Variants in AMHR2 observed in about 807,000 individuals in gnomAD.
The protein encoded by AMHR2 is anti-Mullerian hormone receptor type 2.
A neutral mutation model predicts 61.4 loss-of-function variants in AMHR2; 36 were observed. The observed-to-expected ratio is 0.59, with a 90% CI of 0.45 to 0.77. The LOEUF is 0.77. Ranked by LOEUF, AMHR2 falls within the 30% of genes least tolerant of loss-of-function variation. The pLI is 0.00. For missense variants in AMHR2, 638 were observed against 714.6 expected, an observed-to-expected ratio of 0.89 and a Z score of 1.22; for synonymous variants, 258 against 279.4, an observed-to-expected ratio of 0.92 and a Z score of 0.76.
chr12:53,431,647 A>G lies in AMHR2; in HGVS notation c.*174A>G, dbSNP rs1215780885. The G allele has an allele frequency of 3.7e-5, 29 of 786,408 alleles. No individual in the cohort carries two copies. Among genetic ancestry groups the G allele is most frequent in the Non-Finnish European group, 6.1e-5 (29 of 474,690 alleles). The allele number at this position is 786,408 out of a possible 1,614,324, so 48.7% of individuals were successfully genotyped here. On this transcript the variant is annotated 3_prime_UTR_variant, in exon 11 of 11. Transcript: ENST00000257863. ...CTTGGGGTAGGTGTGCACAGGAAAG[A>G]GAATAAAGTCAGCTTTCCTGATGCA...
Position 53,431,206 on chromosome 12 carries a change from A to G in AMHR2, c.1455A>G (p.Glu485=), listed in dbSNP as rs1231552536. Residue 485 remains glutamate (E), a synonymous_variant, in exon 11 of 11, where the codon GAA becomes GAG. Transcript: ENST00000257863. ...CTGATGGGCTGAGGGAGCTCCTAGA[A>G]GACTGTTGGGATGCAGACCCAGAAG... ...TDPDGLRELL[E]DCWDADPEAR... is the part of the protein sequence containing the mutation. 2 of 1,614,222 alleles carry G rather than the reference A, an allele frequency of 1.2e-6. No individual in the cohort carries two copies. Among genetic ancestry groups the G allele is most frequent in the Non-Finnish European group, 1.7e-6 (2 of 1,180,042 alleles).
In AMHR2 at chr12:53,425,251, C is replaced by G; in HGVS notation, c.502+9C>G. 1 of 1,613,184 alleles carries G rather than the reference C, an allele frequency of 6.2e-7. No individual in the cohort carries two copies. The highest frequency in any genetic ancestry group is 8.5e-7 in the Non-Finnish European group (1 of 1,180,000). Reference sequence around the variant, plus strand: ...GGGCAGCATCATCTTGGGTACTAATCCACCCCATCCCTCCCTTGTGACCCC... The same window carrying G: ...GGGCAGCATCATCTTGGGTACTAATGCACCCCATCCCTCCCTTGTGACCCC... On this transcript the variant is annotated intron_variant, in intron 4 of 10. Coordinates refer to ENST00000257863, the MANE Select transcript of AMHR2 (RefSeq NM_020547.3).
At chr12:53,428,255 C>T (rs148506566) in intron 6 of AMHR2, among the ~76,000 whole-genome samples, 6 of 152,288 alleles carry the variant, frequency 3.9e-5, no homozygotes, top group African/African-American at 1.4e-4. Context: ...TCGTGGCCAC[C>T]GAAGGTGCTC....
At chr12:53,430,441 C>T in intron 10 of AMHR2, 159 bp downstream of exon 10, 1 of 1,114,552 alleles carries the variant, frequency 9.0e-7, no homozygotes, top group Non-Finnish European at 1.3e-6. Context: ...CCTCCTCTCC[C>T]CGTCAGTTCA....
rs779570019 is a variant in AMHR2, at chr12:53,425,867, G to A, written c.800G>A (p.Gly267Asp). Reference sequence around the variant, plus strand: ...CGATTTATCACTGCCAGCCGGGGGGGTCCTGGCCGCCTGCTCTCTGGGCCC... The same window carrying A: ...CGATTTATCACTGCCAGCCGGGGGGATCCTGGCCGCCTGCTCTCTGGGCCC... ...IVRFITASRG[G>D]PGRLLSGPLL... Residue 267 changes from glycine to aspartate, a missense_variant, in exon 6 of 11, where the codon GGT (glycine) becomes GAT (aspartate). By Grantham distance (94) the Gly-to-Asp change is moderately conservative. Transcript: ENST00000257863. 6.2e-6 allele frequency: 10 copies of A among 1,613,992 alleles called. No individual in the cohort carries two copies. The highest frequency in any genetic ancestry group is 8.5e-6 in the Non-Finnish European group (10 of 1,180,028).
At position 53,425,477 on chromosome 12, in the gene AMHR2, C is replaced by T. The variant is rs193298272; in HGVS notation, c.525C>T (p.Tyr175=). 3.7e-6 allele frequency: 6 copies of T among 1,614,040 alleles called. No individual in the cohort carries two copies. In the Admixed American group the frequency reaches 5.0e-5, roughly 13 times the overall value. The part of the protein sequence containing the change: ...IILALLQRKN[Y]RVRGEPVPEP... ...CAGCCCTGCTACAGCGAAAGAACTA[C>T]AGAGTGCGAGGTGAGCCAGTGCCAG... Residue 175 remains tyrosine (Y), a synonymous_variant, in exon 5 of 11, where the codon TAC becomes TAT. Transcript: ENST00000257863.
intron 6 of AMHR2, among the ~76,000 whole-genome samples, chr12:53,426,404 A>G (rs10876453): frequency 0.16 from 25,002 of 152,058 alleles, 2,145 homozygotes; most frequent in Admixed American, 0.2. Context: ...TGTGAGGATC[A>G]CTTGAACCCA....
Position 53,431,564 on chromosome 12 carries a change from CT to C in AMHR2, c.*92del. ...TCTGCCTCATCACTGCATTTCCCAC[CT>C]GCCGAATCCTTGGATTCTTCTGCGG... On this transcript the variant is annotated 3_prime_UTR_variant, in exon 11 of 11. Transcript: ENST00000257863. The C allele has an allele frequency of 6.5e-7, 1 of 1,529,900 alleles. No homozygotes were observed. The highest frequency in any genetic ancestry group is 9.0e-7 in the Non-Finnish European group (1 of 1,111,616). 94.8% of individuals were successfully genotyped at this position (1,529,900 alleles called of 1,614,324 possible).
chr12:53,431,391 A>G lies in AMHR2; in HGVS notation c.1640A>G (p.Gln547Arg). 1.2e-6 allele frequency: 2 copies of G among 1,614,250 alleles called. No homozygotes were observed. The highest frequency in any genetic ancestry group is 2.2e-5 in the East Asian group (1 of 44,888). Residue 547 changes from glutamine (Q) to arginine (R), a missense_variant, in exon 11 of 11, where the codon CAG (glutamine) becomes CGG (arginine). By Grantham distance (43) the Gln-to-Arg change is conservative. Coordinates refer to ENST00000257863, the MANE Select transcript of AMHR2 (RefSeq NM_020547.3). ...PAPTILPCRP[Q>R]RSACHFSVQQ... ...CCTACCATCCTCCCCTGTAGGCCTC[A>G]GCGGAGTGCCTGCCACTTCAGCGTT...
At position 53,425,504 on chromosome 12, in the gene AMHR2, G is replaced by A. The variant is rs1182792551; in HGVS notation, c.552G>A (p.Glu184=). The A allele has an allele frequency of 1.2e-6, 2 of 1,613,978 alleles. No individual in the cohort carries two copies. The highest frequency in any genetic ancestry group is 2.7e-5 in the African/African-American group (2 of 74,930). ...GAGTGCGAGGTGAGCCAGTGCCAGA[G>A]CCAAGGCCAGACTCAGGCAGGGACT... is the stretch of plus-strand genomic sequence containing the variant. The part of the protein sequence containing the change: ...NYRVRGEPVP[E]PRPDSGRDWS... Residue 184 remains glutamate (E), a synonymous_variant, in exon 5 of 11, where the codon GAG becomes GAA. Transcript: ENST00000257863.
At chr12:53,424,672 C>A (rs372511679) in intron 2 of AMHR2, 37 bp from the exon 3 acceptor site, 3 of 1,601,264 alleles carry the variant, frequency 1.9e-6, no homozygotes, top group South Asian at 1.1e-5. Flanking sequence ...TCCTTGCCCC[C>A]CCTTTCTCTC....
intron 6 of AMHR2, among the ~76,000 whole-genome samples, chr12:53,427,417 T>C (rs1180768537): frequency 6.6e-6 from 1 of 152,208 alleles, no homozygotes; most frequent in Non-Finnish European, 1.5e-5. Context: ...TATTTTATTT[T>C]ATTTTTTAGA....
In AMHR2 at chr12:53,431,652, A is replaced by T; in HGVS notation, c.*179A>T. 1 of 751,560 alleles carries T rather than the reference A, an allele frequency of 1.3e-6. No individual in the cohort carries two copies. The highest frequency in any genetic ancestry group is 2.7e-5 in the East Asian group (1 of 37,116). 46.6% of individuals were successfully genotyped at this position (751,560 alleles called of 1,614,324 possible). ...GGTAGGTGTGCACAGGAAAGAGAATAAAGTCAGCTTTCCTGATGCATATCC... is the reference window on the plus strand; with the variant it reads ...GGTAGGTGTGCACAGGAAAGAGAATTAAGTCAGCTTTCCTGATGCATATCC... On this transcript the variant is annotated 3_prime_UTR_variant, in exon 11 of 11. Coordinates refer to ENST00000257863, the MANE Select transcript of AMHR2 (RefSeq NM_020547.3).
rs201411677 is a variant in AMHR2, at chr12:53,429,442, T to C, written c.968-11T>C. ...AAATCCATGTTCCTTCAACCTTGGA[T>C]TCCCCCACAGGCCAATATAAACCAG... On this transcript the variant is annotated splice_polypyrimidine_tract_variant and intron_variant, in intron 7 of 10. Transcript: ENST00000257863. 1.2e-6 allele frequency: 2 copies of C among 1,608,612 alleles called. No individual in the cohort carries two copies. The highest frequency in any genetic ancestry group is 1.7e-6 in the Non-Finnish European group (2 of 1,179,210).
In AMHR2 at chr12:53,424,392, G is replaced by GCTATC; in HGVS notation, c.156_160dup (p.Arg54LeufsTer16). 1 of 1,613,608 alleles carries GCTATC rather than the reference G, an allele frequency of 6.2e-7. No homozygotes were observed. The highest frequency in any genetic ancestry group is 8.5e-7 in the Non-Finnish European group (1 of 1,179,930). Reference sequence around the variant, plus strand: ...AGATACAGGCACAGAGCTCCCCAGAGCTATCCGCTGCCTCTACAGCCGCTG... The same window carrying GCTATC: ...AGATACAGGCACAGAGCTCCCCAGAGCTATCCTATCCGCTGCCTCTACAGCCGCTG... On this transcript the variant is annotated frameshift_variant, in exon 2 of 11. Transcript: ENST00000257863. LOFTEE classifies it high-confidence loss of function.
Position 53,429,629 on chromosome 12 carries a change from A to G in AMHR2, c.1140+4A>G, listed in dbSNP as rs1939936243. 6.2e-7 allele frequency: 1 copy of G among 1,613,814 alleles called. No homozygotes were observed. Among genetic ancestry groups the G allele is most frequent in the Non-Finnish European group, 8.5e-7 (1 of 1,179,900 alleles). ...AGGCCCAGCTGCCATCATGGAAGTGAGTTCTCTGGATAACTGGTGAGGCCC... is the reference window on the plus strand; with the variant it reads ...AGGCCCAGCTGCCATCATGGAAGTGGGTTCTCTGGATAACTGGTGAGGCCC... On this transcript the variant is annotated splice_donor_region_variant and intron_variant, in intron 8 of 10. Transcript: ENST00000257863.
In AMHR2 at chr12:53,431,246, G is replaced by A. The variant is rs1410299797; in HGVS notation, c.1495G>A (p.Glu499Lys). The A allele has an allele frequency of 5.0e-6, 8 of 1,614,254 alleles. No individual in the cohort carries two copies. The highest frequency in any genetic ancestry group is 6.8e-6 in the Non-Finnish European group (8 of 1,180,050). ...AGACCCAGAAGCACGGCTGACAGCT[G>A]AGTGTGTACAGCAGCGCCTGGCTGC... is the stretch of plus-strand genomic sequence containing the variant. ...DADPEARLTA[E>K]CVQQRLAALA... Residue 499 changes from glutamate to lysine, a missense_variant, in exon 11 of 11, where the codon GAG becomes AAG. Physicochemically the swap from Glu to Lys is moderately conservative, Grantham distance 56 (BLOSUM62 1). Coordinates refer to ENST00000257863, the MANE Select transcript of AMHR2 (RefSeq NM_020547.3).
At chr12:53,430,666 A>G (rs796483682) in intron 10 of AMHR2, 7 of 378,766 alleles carry the variant, frequency 1.8e-5, no homozygotes, top group African/African-American at 6.2e-5. Context: ...AATCAATTCA[A>G]TAAGTCCCCA....
rs1251001214 is a variant in AMHR2, at chr12:53,429,581, G to T, written c.1096G>T (p.Ala366Ser). The T allele has an allele frequency of 1.9e-6, 3 of 1,614,056 alleles. No individual in the cohort carries two copies. The highest frequency in any genetic ancestry group is 1.7e-6 in the Non-Finnish European group (2 of 1,180,006). The change falls in exon 8 of 11, where the codon GCC becomes TCC. Residue 366 changes from alanine to serine, a missense_variant. By Grantham distance (99) the Ala-to-Ser change is moderately conservative. Transcript: ENST00000257863. ...LVLPGLTQPP[A>S]WTPTQPQGPA... ...GCTCCCTGGCCTCACTCAGCCCCCT[G>T]CCTGGACCCCTACTCAACCACAAGG...
Sources: gnomAD v4.1 joint callset for allele counts (sites outside exome capture counted in the v4.1 genomes callset) on GRCh38, gnomAD v4.1.1 for gene constraint, MANE v1.5 for transcripts, NCBI Gene and HGNC (gene_info 2026-07-23, HGNC 2026-07-21) for gene names.